Variants in KDM1A observed in about 807,000 individuals in gnomAD.
The protein encoded by KDM1A is lysine-specific histone demethylase 1A.
KDM1A carries 49 observed loss-of-function variants against 109.4 expected under a neutral mutation model. The ratio of observed to expected loss-of-function variants is 0.45; its 90% CI spans 0.36 to 0.57. The LOEUF (loss-of-function observed/expected upper bound fraction) is 0.57, where lower values mean the gene tolerates loss of function less well. KDM1A is among the 20% of genes least tolerant of loss of function. KDM1A has a pLI of 0.00. For missense variants in KDM1A, 668 were observed against 1,116.6 expected (o/e 0.60, Z 5.73); for synonymous variants, 380 against 415.4 (o/e 0.91, Z 1.04).
At chr1:23,071,692 G>A (rs1251508116) in intron 13 of KDM1A, among the ~76,000 whole-genome samples, 2 of 152,058 alleles carry the variant, frequency 1.3e-5, no homozygotes, top group African/African-American at 2.4e-5. Context: ...TTGGAATCTC[G>A]AGCCATGTGA....
intron 3 of KDM1A, among the ~76,000 whole-genome samples, chr1:23,049,879 C>T (rs2124449925): frequency 6.6e-6 from 1 of 152,308 alleles, no homozygotes; most frequent in Non-Finnish European, 1.5e-5. Context: ...TCTCTCACTG[C>T]TTGCCAGCGT....
rs765222197 is a variant in KDM1A at position 23,050,398 on chromosome 1, G to T, written c.589G>T (p.Ala197Ser). ...GCTTTCTTCGTTAGGTGTGGAGGGCGCAGCTTTCCAGAGCCGACTTCCTCA... is the reference window on the plus strand; with the variant it reads ...GCTTTCTTCGTTAGGTGTGGAGGGCTCAGCTTTCCAGAGCCGACTTCCTCA... ...GDGQASGVEG[A>S]AFQSRLPHDR... The change falls in exon 4 of 21, where the codon GCA becomes TCA. Residue 197 changes from alanine to serine, a missense_variant. By Grantham distance (99) the Ala-to-Ser change is moderately conservative (BLOSUM62 1). This residue lies in a region of KDM1A where 149 missense variants were observed against 189.7 expected (regional missense o/e 0.79). Coordinates refer to ENST00000400181, the MANE Select transcript of KDM1A (RefSeq NM_001009999.3). 6.2e-7 allele frequency: 1 copy of T among 1,609,230 alleles called. No homozygotes were observed. The highest frequency in any genetic ancestry group is 8.5e-7 in the Non-Finnish European group (1 of 1,177,868).
chr1:23,082,318 A>C lies in KDM1A; in HGVS notation c.2397A>C (p.Leu799Phe). The change falls in exon 20 of 21, where the codon TTA becomes TTC. Residue 799 changes from leucine to phenylalanine, a missense_variant. Physicochemically the swap from Leu to Phe is conservative, Grantham distance 22. Coordinates refer to ENST00000400181, the MANE Select transcript of KDM1A (RefSeq NM_001009999.3). ...GATCATCTGGAAATGACTATGATTT[A>C]ATGGCTCAGCCAATCACTCCTGGCC... is the stretch of plus-strand genomic sequence containing the variant. The part of the protein sequence containing the change: ...AAGSSGNDYD[L>F]MAQPITPGPS... The C allele has an allele frequency of 6.2e-7, 1 of 1,613,696 alleles. No individual in the cohort carries two copies. Among genetic ancestry groups the C allele is most frequent in the Non-Finnish European group, 8.5e-7 (1 of 1,179,932 alleles).
intron 2 of KDM1A, among the ~76,000 whole-genome samples, chr1:23,037,303 C>CAA (rs34692132): frequency 7.2e-5 from 4 of 55,830 alleles, no homozygotes; most frequent in South Asian, 6.3e-4. Context: ...GACCCTGTCT[C>CAA]AAAAAAAAAA....
Position 23,030,474 on chromosome 1 carries a change from G to A in KDM1A, c.357G>A (p.Glu119=). Residue 119 remains glutamate (E), a synonymous_variant, in exon 2 of 21, where the codon GAG becomes GAA. Coordinates refer to ENST00000400181, the MANE Select transcript of KDM1A (RefSeq NM_001009999.3). ...CTGGTATGATCTCCATATAGGTAGA[G>A]TACAGAGAGATGGATGAAAGCTTGG... ...RTSRRKRAKV[E]YREMDESLAN... is the part of the protein sequence containing the mutation. 6.3e-7 allele frequency: 1 copy of A among 1,586,020 alleles called. No homozygotes were observed. The highest frequency in any genetic ancestry group is 8.5e-7 in the Non-Finnish European group (1 of 1,170,584).
chr1:23,059,822 G>T (rs1453027197), intron 9 of KDM1A, among the ~76,000 whole-genome samples: 1 of 152,142 alleles, frequency 6.6e-6, no homozygotes. Context: ...TTTACTGACT[G>T]CCTTTATCAA....
chr1:23,078,901 G>A (rs1643540624), intron 16 of KDM1A, 89 bp from the exon 17 acceptor site: 1 of 1,105,728 alleles, frequency 9.0e-7, no homozygotes, highest in Non-Finnish European at 1.3e-6. Flanking sequence ...ATTGAGAAAT[G>A]GATGTCCATC....
intron 1 of KDM1A, 124 bp downstream of exon 1, chr1:23,020,071 C>A: frequency 9.6e-7 from 1 of 1,037,602 alleles, no homozygotes; most frequent in Non-Finnish European, 1.3e-6. Flanking sequence ...CCTTGTATCG[C>A]TGCGCACGCC....
At chr1:23,020,019 C>T in intron 1 of KDM1A, 72 bp downstream of exon 1, 3 of 1,371,446 alleles carry the variant, frequency 2.2e-6, no homozygotes, top group Non-Finnish European at 2.8e-6. Flanking sequence ...CGCCCTCCCC[C>T]GCCGCCGCCG....
intron 1 of KDM1A, among the ~76,000 whole-genome samples, chr1:23,022,648 C>CTTTTTTT (rs58124287): frequency 1.9e-4 from 7 of 36,812 alleles, no homozygotes; most frequent in Admixed American, 4.6e-4. Flanking sequence ...CCTTCTTCTT[C>CTTTTTTT]TTTTTTTTTT....
intron 5 of KDM1A, 97 bp downstream of exon 5, chr1:23,053,936 A>G (rs1642748638): frequency 7.1e-6 from 5 of 708,094 alleles, no homozygotes; most frequent in African/African-American, 1.8e-5. Context: ...TAATTTTTTC[A>G]TTCATATTTC....
chr1:23,030,920 A>T (rs1641963259), intron 2 of KDM1A, among the ~76,000 whole-genome samples: 1 of 152,176 alleles, frequency 6.6e-6, no homozygotes, highest in Non-Finnish European at 1.5e-5. Flanking sequence ...TGGCAATATA[A>T]GGTGGTTGGA....
intron 2 of KDM1A, among the ~76,000 whole-genome samples, chr1:23,037,129 TACACACACAC>T (rs59175262): frequency 1.5e-4 from 22 of 147,734 alleles, no homozygotes; most frequent in African/African-American, 5.2e-4. Context: ...AAAATATATA[TACACACACAC>T]ACACACACAC....
chr1:23,068,997 T>C, intron 11 of KDM1A, 64 bp from the exon 12 acceptor site: 1 of 1,099,642 alleles, frequency 9.1e-7, no homozygotes, highest in Non-Finnish European at 1.3e-6. Flanking sequence ...ATGTTTTTGA[T>C]GGGCACCTGT....
Position 23,079,934 on chromosome 1 carries a change from C to A in KDM1A, c.2170+267C>A, listed in dbSNP as rs1048210268. Among the ~76,000 whole-genome samples the A allele has an allele frequency of 6.6e-6, 1 of 152,158 alleles. No individual in the cohort carries two copies. Among genetic ancestry groups the A allele is most frequent in the African/African-American group, 2.4e-5 (1 of 41,420 alleles). ...CTGAACGCCCAGGTTACTGGAGGTC[C>A]ACTCAGCCTGGAGGGATAGGCCCAG... On this transcript the variant is annotated intron_variant, in intron 18 of 20. Transcript: ENST00000400181. The surrounding 1 kb of genome is among the most constrained non-coding windows in gnomAD (Gnocchi z 5.6).
At chr1:23,029,480 T>A (rs1641910080) in intron 1 of KDM1A, among the ~76,000 whole-genome samples, 1 of 152,160 alleles carries the variant, frequency 6.6e-6, no homozygotes, top group Non-Finnish European at 1.5e-5. Context: ...CATAATAATC[T>A]TCCCTGTCTT....
chr1:23,068,798 A>G (rs1159427556), intron 11 of KDM1A, 117 bp downstream of exon 11: 1 of 864,522 alleles, frequency 1.2e-6, no homozygotes, highest in African/African-American at 1.7e-5. Context: ...ATTTTGTATG[A>G]AACCATTGAA....
chr1:23,037,303 C>CAAAAA (rs34692132), intron 2 of KDM1A, among the ~76,000 whole-genome samples: 1 of 55,896 alleles, frequency 1.8e-5, no homozygotes, highest in African/African-American at 6.6e-5. Context: ...GACCCTGTCT[C>CAAAAA]AAAAAAAAAA....
At chr1:23,044,592 G>T in intron 3 of KDM1A, 106 bp downstream of exon 3, 1 of 938,322 alleles carries the variant, frequency 1.1e-6, no homozygotes, top group Non-Finnish European at 1.6e-6. Context: ...AGCCAGAAGC[G>T]CAGGTGAAAT....
Sources: gnomAD v4.1 joint callset for allele counts (sites outside exome capture counted in the v4.1 genomes callset) on GRCh38, gnomAD v4.1.1 for gene constraint, gnomAD v4.1.1 regional missense constraint, Gnocchi (gnomAD v3.1) non-coding constraint, MANE v1.5 for transcripts, NCBI Gene and HGNC (gene_info 2026-07-23, HGNC 2026-07-21) for gene names.